The following BAZ2B variants were observed in gnomAD, a reference collection of about 807,000 sequenced individuals.
BAZ2B encodes the protein bromodomain adjacent to zinc finger domain 2B.
Under a neutral mutation model 246.0 loss-of-function variants are expected in BAZ2B, and 91 were observed. The ratio of observed to expected loss-of-function variants is 0.37; its 90% CI spans 0.31 to 0.44. The LOEUF (loss-of-function observed/expected upper bound fraction) is 0.44. BAZ2B is among the 20% of genes least tolerant of loss of function. BAZ2B has a pLI of 1.00. For synonymous variants in BAZ2B, 855 were observed against 860.0 expected (o/e 0.99, Z 0.10); for missense variants, 2,332 against 2,533.7 (o/e 0.92, Z 1.71).
upstream of BAZ2B, among the ~76,000 whole-genome samples, chr2:159,620,717 G>A (rs145713973): frequency 1.3e-5 from 2 of 152,050 alleles, no homozygotes; most frequent in East Asian, 1.9e-4. Flanking sequence ...TTCTGTATGC[G>A]GGAATATTCA....
In BAZ2B at chr2:159,350,270, T is replaced by C. The variant is rs1250590569; in HGVS notation, c.4301A>G (p.Asp1434Gly). ...IKEEMFETSG[D>G]SLNCSNTDHC... ...ATCTGTATTTGAACAATTTAAACTG[T>C]CCCCAGAAGTCTCAAACATTTCTTC... The change falls in exon 28 of 37, where the codon GAC (aspartate) becomes GGC (glycine). Residue 1434 changes from aspartate to glycine, a missense_variant. Coordinates refer to ENST00000392783, the MANE Select transcript of BAZ2B (RefSeq NM_013450.4). The C allele has an allele frequency of 6.2e-7, 1 of 1,610,790 alleles. No homozygotes were observed. Among genetic ancestry groups the C allele is most frequent in the African/African-American group, 1.3e-5 (1 of 74,796 alleles).
At chr2:159,564,735 A>T (rs1181013777) in intron 1 of BAZ2B, among the ~76,000 whole-genome samples, 2 of 152,212 alleles carry the variant, frequency 1.3e-5, no homozygotes, top group Non-Finnish European at 2.9e-5. Flanking sequence ...AATAGTAGTA[A>T]GGAACCAAGA....
chr2:159,423,796 C>T (rs1158842361), intron 13 of BAZ2B, among the ~76,000 whole-genome samples: 1 of 152,170 alleles, frequency 6.6e-6, no homozygotes, highest in Non-Finnish European at 1.5e-5. Context: ...TTCTCACAAG[C>T]GAGAGCTAAA....
chr2:159,515,360 G>A (rs773017365), intron 2 of BAZ2B, among the ~76,000 whole-genome samples: 5 of 151,768 alleles, frequency 3.3e-5, no homozygotes, highest in African/African-American at 1.2e-4. Flanking sequence ...CATTTCAGTC[G>A]TGTATCCAAC....
intron 27 of BAZ2B, among the ~76,000 whole-genome samples, chr2:159,359,822 A>G (rs1235257939): frequency 1.3e-5 from 2 of 152,202 alleles, no homozygotes; most frequent in African/African-American, 4.8e-5. Flanking sequence ...AATAAATGTA[A>G]TCCATCACAT....
intron 33 of BAZ2B, 75 bp from the exon 34 acceptor site, chr2:159,332,761 T>G: frequency 2.0e-6 from 3 of 1,480,774 alleles, no homozygotes; most frequent in Non-Finnish European, 2.8e-6. Flanking sequence ...AAACACACCA[T>G]AATTCCTAAT....
At chr2:159,398,925 GC>G in intron 17 of BAZ2B, 31 bp from the exon 18 acceptor site, 1 of 1,591,076 alleles carries the variant, frequency 6.3e-7, no homozygotes, top group Non-Finnish European at 8.6e-7. Context: ...TCAAAGTCAT[GC>G]AACAGCACCA....
chr2:159,590,424 T>C lies in BAZ2B; in HGVS notation c.-46+25818A>G, dbSNP rs1402767484. Among the ~76,000 whole-genome samples the C allele has an allele frequency of 2.0e-5, 3 of 151,786 alleles. No individual in the cohort carries two copies. In the East Asian group the frequency reaches 5.8e-4, roughly 29 times the overall value. ...GGCCAGCATGGTGAAACCCTGTCTC[T>C]ACTAAAAATACAAAAAATTAGCCAG... On this transcript the variant is annotated intron_variant, in intron 1 of 36. Coordinates refer to ENST00000392783, the MANE Select transcript of BAZ2B (RefSeq NM_013450.4).
chr2:159,567,030 G>C (rs1240361627), intron 1 of BAZ2B, among the ~76,000 whole-genome samples: 1 of 152,086 alleles, frequency 6.6e-6, no homozygotes, highest in Non-Finnish European at 1.5e-5. Flanking sequence ...ATCACCTGAG[G>C]TCAGGAGTTT....
At chr2:159,694,232 G>T in the BAZ2B span, 4 of 152,156 alleles carry the variant, frequency 2.6e-5, no homozygotes, top group Non-Finnish European at 5.9e-5. Context: ...AGCCAAAAAA[G>T]AGGCCTGAGA....
intron 1 of BAZ2B, among the ~76,000 whole-genome samples, chr2:159,607,278 G>A (rs1470236546): frequency 6.6e-6 from 1 of 152,186 alleles, no homozygotes; most frequent in Non-Finnish European, 1.5e-5. Context: ...TCATCATGGA[G>A]AAAAGGGATA....
rs1391780507 is a variant in BAZ2B at position 159,488,213 on chromosome 2, C to T, written c.-2-9492G>A. Among the ~76,000 whole-genome samples, 4 of 152,098 alleles carry T rather than the reference C, an allele frequency of 2.6e-5. No homozygotes were observed. The East Asian group carries it at 7.7e-4, about 29-fold the overall frequency. ...TCAGCCTCCCAAGTAGCTGGGACTA[C>T]AGGTGCCTGCCATCACTCCTGGCTA... On this transcript the variant is annotated intron_variant, in intron 2 of 36. Transcript: ENST00000392783.
In BAZ2B at chr2:159,335,274, C is replaced by T. The variant is rs775547004; in HGVS notation, c.5796+1668G>A. ...TTTATAGTAAATTCTGGGCCAGGTGCGGTGGCTCATGCTTGTAATCCCAGC... is the reference window on the plus strand; with the variant it reads ...TTTATAGTAAATTCTGGGCCAGGTGTGGTGGCTCATGCTTGTAATCCCAGC... On this transcript the variant is annotated intron_variant, in intron 33 of 36. Coordinates refer to ENST00000392783, the MANE Select transcript of BAZ2B (RefSeq NM_013450.4). 2.6e-5 allele frequency among the ~76,000 whole-genome samples: 4 copies of T among 151,998 alleles called. 1 individual carries two copies. The South Asian group carries it at 6.2e-4, about 24-fold the overall frequency.
intron 11 of BAZ2B, 89 bp downstream of exon 11, chr2:159,429,111 T>G: frequency 2.3e-6 from 2 of 870,018 alleles, no homozygotes; most frequent in Non-Finnish European, 3.4e-6. Flanking sequence ...ACTTCTTCTA[T>G]TAATTGTAGA....
At chr2:159,392,433 A>G (rs1214505205) in intron 20 of BAZ2B, among the ~76,000 whole-genome samples, 1 of 151,964 alleles carries the variant, frequency 6.6e-6, no homozygotes, top group Non-Finnish European at 1.5e-5. Context: ...TTATTATAGC[A>G]TTTGTTGCAC....
At chr2:159,432,009 G>A (rs1211036494) in intron 9 of BAZ2B, among the ~76,000 whole-genome samples, 1 of 152,070 alleles carries the variant, frequency 6.6e-6, no homozygotes, top group Non-Finnish European at 1.5e-5. Flanking sequence ...GTTTTACCCT[G>A]AGCACGAAGT....
chr2:159,656,744 T>A, the BAZ2B span, among the ~76,000 whole-genome samples: 1 of 152,176 alleles, frequency 6.6e-6, no homozygotes, highest in Admixed American at 6.5e-5. Flanking sequence ...AATTCCCTAA[T>A]GGCATACGAT....
At chr2:159,428,553 C>A in intron 11 of BAZ2B, 134 bp from the exon 12 acceptor site, 1 of 520,838 alleles carries the variant, frequency 1.9e-6, no homozygotes, top group Non-Finnish European at 3.3e-6. Flanking sequence ...CTCAAACAAC[C>A]CAAATACATT....
At chr2:159,603,681 A>C (rs1692724650) in intron 1 of BAZ2B, among the ~76,000 whole-genome samples, 1 of 152,066 alleles carries the variant, frequency 6.6e-6, no homozygotes, top group Non-Finnish European at 1.5e-5. Context: ...CAAAAAAAAA[A>C]ACAAAACCCC....
Sources: allele counts gnomAD v4.1 joint callset (sites outside exome capture counted in the v4.1 genomes callset), GRCh38; gene constraint gnomAD v4.1.1; transcripts MANE v1.5; gene names NCBI Gene and HGNC (gene_info 2026-07-23, HGNC 2026-07-21).